DNAH10: variants seen among roughly 807,000 people sequenced by gnomAD.
DNAH10 encodes the protein dynein axonemal heavy chain 10.
In DNAH10, 348 loss-of-function variants were observed where a neutral mutation model predicts 506.6. That is an observed-to-expected ratio of 0.69 (90% confidence interval 0.63 to 0.75). The LOEUF is 0.75. Among genes scored for constraint, DNAH10 ranks in the 30% least tolerant of loss-of-function variants. The probability of loss-of-function intolerance (pLI) is 0.00; values close to 1 mark genes in which losing one functional copy is unlikely to be tolerated. For synonymous variants in DNAH10, 2,059 were observed against 2,198.6 expected (o/e 0.94, Z 1.78); for missense variants, 5,179 against 5,787.1 (o/e 0.89, Z 3.41).
chr12:123,928,254 C>T lies in DNAH10; in HGVS notation c.12106-133C>T. On this transcript the variant is annotated intron_variant, in intron 69 of 78. Coordinates refer to ENST00000673944, the MANE Select transcript of DNAH10 (RefSeq NM_001372106.1). This position sits in a 1 kb window ranked among gnomAD's most constrained non-coding sequence, Gnocchi z 4.9. ...TATTTGAAGGCTCCACCTGTAGCTC[C>T]TGGATCCTCGGCTTGCTTTTGGCTT... 1 of 1,017,640 alleles carries T rather than the reference C, an allele frequency of 9.8e-7. No individual in the cohort carries two copies. Among genetic ancestry groups the T allele is most frequent in the East Asian group, 2.6e-5 (1 of 38,370 alleles). 63.0% of individuals were successfully genotyped at this position (1,017,640 alleles called of 1,614,324 possible).
At chr12:123,765,995 A>G (rs1479757376) in intron 1 of DNAH10, among the ~76,000 whole-genome samples, 1 of 151,894 alleles carries the variant, frequency 6.6e-6, no homozygotes, top group African/African-American at 2.4e-5. Flanking sequence ...CCATCTATCA[A>G]TTATCTACCA....
rs1162489487 is a variant in DNAH10 at position 123,928,335 on chromosome 12, G to T, written c.12106-52G>T. 18 of 1,541,080 alleles carry T rather than the reference G, an allele frequency of 1.2e-5. No homozygotes were observed. Among genetic ancestry groups the T allele is most frequent in the Non-Finnish European group, 1.6e-5 (18 of 1,142,900 alleles). On this transcript the variant is annotated intron_variant, in intron 69 of 78. Transcript: ENST00000673944. The surrounding 1 kb of genome is among the most constrained non-coding windows in gnomAD (Gnocchi z 4.9). ...TGTGGAGTGGGTCTCTGGAGAGCAC[G>T]GGGTTGGGTTTGGATGCCAACCCCT...
chr12:123,912,620 C>T (rs1594365034), intron 59 of DNAH10, among the ~76,000 whole-genome samples: 2 of 152,296 alleles, frequency 1.3e-5, no homozygotes, highest in East Asian at 3.9e-4. Flanking sequence ...CAAACGTCCC[C>T]TGGGGGACAA....
intron 50 of DNAH10, among the ~76,000 whole-genome samples, chr12:123,880,652 C>CT (rs1294500254): frequency 1.6e-5 from 2 of 124,216 alleles, no homozygotes; most frequent in African/African-American, 2.8e-5. Context: ...GTTTTAAATT[C>CT]TCTTTTTTTT....
chr12:123,905,223 T>C (rs1953721222), intron 57 of DNAH10, among the ~76,000 whole-genome samples: 1 of 152,218 alleles, frequency 6.6e-6, no homozygotes, highest in Non-Finnish European at 1.5e-5. Context: ...CACATTCCAT[T>C]GTGTGGCTGT....
In DNAH10 at chr12:123,917,789, G is replaced by T; in HGVS notation, c.11208G>T (p.Glu3736Asp). The T allele has an allele frequency of 6.3e-7, 1 of 1,575,092 alleles. No individual in the cohort carries two copies. The highest frequency in any genetic ancestry group is 1.2e-5 in the South Asian group (1 of 85,258). Residue 3736 changes from glutamate to aspartate, a missense_variant, in exon 64 of 79, where the codon GAG becomes GAT. Glu to Asp is a conservative substitution (Grantham distance 45). This residue lies in a region of DNAH10 where 4,844 missense variants were observed against 5,430.5 expected (regional missense o/e 0.89). Coordinates refer to ENST00000673944, the MANE Select transcript of DNAH10 (RefSeq NM_001372106.1). The surrounding 1 kb of genome is among the most constrained non-coding windows in gnomAD (Gnocchi z 5.6). ...ATGTGGACCTGGTGCACACCCTGGA[G>T]GAGACCAAATCCAAGGCAACAGAGG... ...LDNVDLVHTL[E>D]ETKSKATEVS...
intron 21 of DNAH10, among the ~76,000 whole-genome samples, chr12:123,818,035 G>A (rs868434112): frequency 2.7e-5 from 4 of 147,606 alleles, no homozygotes; most frequent in South Asian, 2.1e-4. Context: ...TGCAACCTCC[G>A]ACTCCTGGGT....
rs371580638 is a variant in DNAH10 at position 123,903,943 on chromosome 12, G to T, written c.9815+830G>T. Among the ~76,000 whole-genome samples the T allele has an allele frequency of 3.6e-4, 55 of 152,350 alleles. 1 individual carries two copies. The East Asian group carries it at 4.6e-3, about 13-fold the overall frequency. The stretch of plus-strand genomic sequence containing the variant: ...CCACACACGGGTCTCGCAGCCGAGA[G>T]GCTCCGTTCCTGGGTCAGTAATGGG... On this transcript the variant is annotated intron_variant, in intron 57 of 78. Transcript: ENST00000673944. The surrounding 1 kb of genome is among the most constrained non-coding windows in gnomAD (Gnocchi z 4.6).
chr12:123,788,121 CCTTCAAAGAAA>C, intron 10 of DNAH10, 119 bp downstream of exon 10: 1 of 1,181,342 alleles, frequency 8.5e-7, no homozygotes, highest in Non-Finnish European at 1.2e-6. Context: ...AGGGAGAAGC[CCTTCAAAGAAA>C]GAACCTACGG....
At chr12:123,820,502 C>T (rs1488675541) in intron 23 of DNAH10, 78 bp from the exon 24 acceptor site, 26 of 1,375,674 alleles carry the variant, frequency 1.9e-5, no homozygotes, top group Non-Finnish European at 2.4e-5. Context: ...AATTGAGATA[C>T]ATTATGCATG....
chr12:123,825,670 A>C (rs1959906874), intron 24 of DNAH10, among the ~76,000 whole-genome samples: 1 of 152,054 alleles, frequency 6.6e-6, no homozygotes, highest in Non-Finnish European at 1.5e-5. Context: ...GGGAGGGGTT[A>C]TGACACAGGG....
intron 21 of DNAH10, among the ~76,000 whole-genome samples, chr12:123,818,240 C>T (rs1029979569): frequency 5.9e-5 from 9 of 151,988 alleles, no homozygotes; most frequent in Non-Finnish European, 7.4e-5. Flanking sequence ...AGCTACTGCA[C>T]CCAGCCTCTA....
Position 123,909,913 on chromosome 12 carries a change from A to G in DNAH10, c.9997+471A>G, listed in dbSNP as rs963370307. Among the ~76,000 whole-genome samples, 3 of 152,138 alleles carry G rather than the reference A, an allele frequency of 2.0e-5. No homozygotes were observed. The highest frequency in any genetic ancestry group is 1.3e-4 in the Admixed American group (2 of 15,270). On this transcript the variant is annotated intron_variant, in intron 58 of 78. Coordinates refer to ENST00000673944, the MANE Select transcript of DNAH10 (RefSeq NM_001372106.1). This position sits in a 1 kb window ranked among gnomAD's most constrained non-coding sequence, Gnocchi z 5.4. Reference sequence around the variant, plus strand: ...ATCACTGATGGCCAGCCTCTCCTCCATCTTTGGTTATAGGACTGAGTTCCC... The same window carrying G: ...ATCACTGATGGCCAGCCTCTCCTCCGTCTTTGGTTATAGGACTGAGTTCCC...
chr12:123,769,209 G>C (rs761963200), intron 2 of DNAH10, among the ~76,000 whole-genome samples: 9 of 151,384 alleles, frequency 5.9e-5, no homozygotes, highest in Non-Finnish European at 5.9e-5. Flanking sequence ...GCAATGGTGC[G>C]ATCTCGGCTT....
In DNAH10 at chr12:123,925,208, A is replaced by T. The variant is rs763724288; in HGVS notation, c.11921+4A>T. 1.9e-6 allele frequency: 3 copies of T among 1,613,814 alleles called. No homozygotes were observed. The highest frequency in any genetic ancestry group is 8.5e-7 in the Non-Finnish European group (1 of 1,179,772). On this transcript the variant is annotated splice_donor_region_variant and intron_variant, in intron 68 of 78. Coordinates refer to ENST00000673944, the MANE Select transcript of DNAH10 (RefSeq NM_001372106.1). The surrounding 1 kb of genome is among the most constrained non-coding windows in gnomAD (Gnocchi z 4.0). The stretch of plus-strand genomic sequence containing the variant: ...TGACTGTAACAATGGGAGAGAAGTA[A>T]GTGTGTCGTTTTGTTGATTTGCCAC...
At chr12:123,848,192 T>C in intron 33 of DNAH10, 97 bp downstream of exon 33, 1 of 1,499,902 alleles carries the variant, frequency 6.7e-7, no homozygotes, top group Non-Finnish European at 8.9e-7. Flanking sequence ...ATGGCGACAG[T>C]GGAAGAAGCT....
intron 27 of DNAH10, among the ~76,000 whole-genome samples, chr12:123,834,396 T>G (rs545005873): frequency 1.3e-5 from 2 of 152,122 alleles, no homozygotes; most frequent in East Asian, 3.9e-4. Context: ...TTAGTAGAGA[T>G]AGGGTTTCAC....
chr12:123,882,789 CAAAAAAAAAAAAAAAAAA>C, intron 51 of DNAH10, among the ~76,000 whole-genome samples: 1 of 62,252 alleles, frequency 1.6e-5, no homozygotes, highest in East Asian at 6.8e-4. Context: ...AAGACTCTGT[CAAAAAAAAAAAAAAAAAA>C]AAAAAAAAGA....
intron 13 of DNAH10, among the ~76,000 whole-genome samples, chr12:123,797,036 A>G (rs1000825562): frequency 1.3e-5 from 2 of 151,826 alleles, no homozygotes; most frequent in African/African-American, 4.8e-5. Context: ...ACGTCCGGCT[A>G]ATTTTTTTGT....
Sources: gnomAD v4.1 joint callset for allele counts (sites outside exome capture counted in the v4.1 genomes callset) on GRCh38, gnomAD v4.1.1 for gene constraint, gnomAD v4.1.1 regional missense constraint, Gnocchi (gnomAD v3.1) non-coding constraint, MANE v1.5 for transcripts, NCBI Gene and HGNC (gene_info 2026-07-23, HGNC 2026-07-21) for gene names.